SLC30A8: variants seen among roughly 807,000 people sequenced by gnomAD.
SLC30A8 encodes solute carrier family 30 member 8.
In SLC30A8, 27 loss-of-function variants were observed where a neutral mutation model predicts 36.9. That is an observed-to-expected ratio of 0.73 (90% confidence interval 0.54 to 1.01). The LOEUF is 1.01. Ranked by LOEUF, SLC30A8 falls within the 50% of genes least tolerant of loss-of-function variation. SLC30A8 has a pLI of 0.00. For missense variants in SLC30A8, 439 were observed against 452.0 expected, an observed-to-expected ratio of 0.97 and a Z score of 0.26; for synonymous variants, 164 against 172.4, an observed-to-expected ratio of 0.95 and a Z score of 0.38.
chr8:117,038,435 A>G (rs1346044201), intron 1 of SLC30A8, among the ~76,000 whole-genome samples: 1 of 152,192 alleles, frequency 6.6e-6, no homozygotes, highest in African/African-American at 2.4e-5. Flanking sequence ...TTTCAATTTA[A>G]CAATGGATCT....
intron 1 of SLC30A8, among the ~76,000 whole-genome samples, chr8:116,989,363 G>A (rs994961431): frequency 6.6e-6 from 1 of 152,072 alleles, no homozygotes; most frequent in Non-Finnish European, 1.5e-5. Context: ...CATAGTAATG[G>A]GAGGCATTTT....
intron 1 of SLC30A8, among the ~76,000 whole-genome samples, chr8:116,954,416 C>T (rs552143919): frequency 7.7e-4 from 118 of 152,262 alleles, no homozygotes; most frequent in Non-Finnish European, 1.3e-3. Flanking sequence ...ATGTCAACAT[C>T]TGATGGCTGG....
At chr8:117,091,980 A>G (rs1291372904) in intron 2 of SLC30A8, among the ~76,000 whole-genome samples, 1 of 152,166 alleles carries the variant, frequency 6.6e-6, no homozygotes, top group Admixed American at 6.5e-5. Flanking sequence ...GAATCCCATC[A>G]TGTCTTTTCT....
chr8:116,952,238 T>A (rs533678757), intron 1 of SLC30A8, among the ~76,000 whole-genome samples: 1 of 152,258 alleles, frequency 6.6e-6, no homozygotes, highest in African/African-American at 2.4e-5. Context: ...GGTGGACATA[T>A]CATGACAGGC....
chr8:116,998,157 CAT>C (rs1287569832), intron 1 of SLC30A8, among the ~76,000 whole-genome samples: 2 of 152,076 alleles, frequency 1.3e-5, no homozygotes, highest in East Asian at 3.9e-4. Context: ...AACCCAAACA[CAT>C]AACAATATGA....
intron 1 of SLC30A8, chr8:117,017,857 T>C (rs571636898): frequency 5.3e-5 from 8 of 152,366 alleles, no homozygotes; most frequent in Admixed American, 3.9e-4. Flanking sequence ...AGGGAAGTTA[T>C]CTAGACTCGT....
intron 2 of SLC30A8, among the ~76,000 whole-genome samples, chr8:117,063,685 G>A (rs1477037131): frequency 2.6e-5 from 4 of 152,188 alleles, no homozygotes; most frequent in Non-Finnish European, 4.4e-5. Flanking sequence ...AGAAGGAGAA[G>A]CACACAATAT....
chr8:117,040,935 T>C (rs963539607), intron 2 of SLC30A8, among the ~76,000 whole-genome samples: 3 of 152,054 alleles, frequency 2.0e-5, no homozygotes, highest in African/African-American at 7.2e-5. Context: ...GGGGAATCAC[T>C]GGCCCATGAT....
chr8:117,074,744 T>C (rs528503236), intron 2 of SLC30A8, among the ~76,000 whole-genome samples: 5 of 152,358 alleles, frequency 3.3e-5, no homozygotes, highest in African/African-American at 1.2e-4. Context: ...ATGACACCAC[T>C]GTATTTCTTG....
upstream of SLC30A8, among the ~76,000 whole-genome samples, chr8:117,131,557 T>A (rs1442439143): frequency 1.3e-5 from 2 of 148,588 alleles, no homozygotes; most frequent in Non-Finnish European, 3.0e-5. Flanking sequence ...GAAAGTAGAG[T>A]CCAGAGGGTT....
intron 2 of SLC30A8, among the ~76,000 whole-genome samples, chr8:117,048,062 G>A (rs2130767568): frequency 6.6e-6 from 1 of 152,340 alleles, no homozygotes; most frequent in Middle Eastern, 3.4e-3. Context: ...TCTTGGGGCT[G>A]CTCTGTCTAT....
At chr8:117,100,345 G>A (rs1819652559) in intron 2 of SLC30A8, among the ~76,000 whole-genome samples, 1 of 152,128 alleles carries the variant, frequency 6.6e-6, no homozygotes, top group Non-Finnish European at 1.5e-5. Flanking sequence ...TAATTATCTG[G>A]TACTTTCTCC....
intron 2 of SLC30A8, among the ~76,000 whole-genome samples, chr8:117,089,814 C>G (rs1185662614): frequency 6.6e-6 from 1 of 152,178 alleles, no homozygotes; most frequent in African/African-American, 2.4e-5. Context: ...CCATAACTGA[C>G]TCTTGCTCAC....
intron 2 of SLC30A8, among the ~76,000 whole-genome samples, chr8:117,125,949 G>A (rs548097746): frequency 6.6e-6 from 1 of 152,040 alleles, no homozygotes; most frequent in South Asian, 2.1e-4. Context: ...TATAATAATT[G>A]ATCTAGTGAA....
At chr8:117,024,143 A>T (rs961678135) in intron 1 of SLC30A8, among the ~76,000 whole-genome samples, 1 of 152,222 alleles carries the variant, frequency 6.6e-6, no homozygotes, top group African/African-American at 2.4e-5. Context: ...GATATTGTTT[A>T]TCTGATAAAA....
At chr8:117,147,276 A>G in intron 2 of SLC30A8, 123 bp downstream of exon 2, 1 of 787,220 alleles carries the variant, frequency 1.3e-6, no homozygotes, top group Non-Finnish European at 2.0e-6. Flanking sequence ...AGGTAACAAT[A>G]TGCTCATTGT....
Position 117,173,459 on chromosome 8 carries a change from G to C in SLC30A8, c.*778G>C, listed in dbSNP as rs1255687840. 2 of 152,182 alleles carry C rather than the reference G, an allele frequency of 1.3e-5. 1 individual carries two copies. Among genetic ancestry groups the C allele is most frequent in the African/African-American group, 4.8e-5 (2 of 41,458 alleles). The allele number at this position is 152,182 out of a possible 1,614,324, so 9.4% of individuals were successfully genotyped here. A position where few individuals can be genotyped will look rare whatever the true frequency, so the allele number is the denominator to read the frequency against. On this transcript the variant is annotated 3_prime_UTR_variant, in exon 8 of 8. Transcript: ENST00000456015. ...AAAACATTCGAGTTGACCCCACCAAGTTGTTGCCACAGATAATTTAGATAT... is the reference window on the plus strand; with the variant it reads ...AAAACATTCGAGTTGACCCCACCAACTTGTTGCCACAGATAATTTAGATAT...
rs551066191 is a variant in SLC30A8, at chr8:117,081,561, T to C, written c.-226+42303T>C. 2.0e-4 allele frequency among the ~76,000 whole-genome samples: 31 copies of C among 152,298 alleles called. 1 individual carries two copies. The South Asian group carries it at 6.4e-3, about 32-fold the overall frequency. ...TCATGTTGAGGCTAGGACTTCAACA[T>C]ATGAATTTTGGAGGACTGCAATTCA... is the stretch of plus-strand genomic sequence containing the variant. On this transcript the variant is annotated intron_variant, in intron 2 of 10. Transcript: ENST00000427715.
chr8:117,141,042 T>G (rs1416977823), intron 1 of SLC30A8, among the ~76,000 whole-genome samples: 1 of 151,988 alleles, frequency 6.6e-6, no homozygotes, highest in East Asian at 1.9e-4. Flanking sequence ...TCATAAAACC[T>G]TACACAAAGA....
Sources: gnomAD v4.1 joint callset for allele counts (sites outside exome capture counted in the v4.1 genomes callset) on GRCh38, gnomAD v4.1.1 for gene constraint, MANE v1.5 for transcripts, NCBI Gene and HGNC (gene_info 2026-07-23, HGNC 2026-07-21) for gene names.